Variants in TNR observed in about 807,000 individuals in gnomAD.
The protein encoded by TNR is tenascin R, also known as tenascin-R.
Under a neutral mutation model 150.4 loss-of-function variants are expected in TNR, and 45 were observed. The observed-to-expected ratio is 0.30, with a 90% CI of 0.24 to 0.38. The LOEUF (loss-of-function observed/expected upper bound fraction) is 0.38. TNR is among the 10% of genes least tolerant of loss of function. The pLI is 1.00. For synonymous variants in TNR, 687 were observed against 678.4 expected (o/e 1.01, Z -0.20); for missense variants, 1,544 against 1,759.1 (o/e 0.88, Z 2.19).
intron 1 of TNR, among the ~76,000 whole-genome samples, chr1:175,715,346 C>T (rs1558087806): frequency 6.6e-6 from 1 of 152,176 alleles, no homozygotes; most frequent in Admixed American, 6.5e-5. Context: ...TTATTTTCCA[C>T]TCCATGGCAT....
At chr1:175,397,957 A>G (rs1282699419) in intron 4 of TNR, among the ~76,000 whole-genome samples, 1 of 152,242 alleles carries the variant, frequency 6.6e-6, no homozygotes, top group Non-Finnish European at 1.5e-5. Context: ...CGATATTTAA[A>G]TGGTCATTAT....
At chr1:175,496,380 G>A (rs75497390) in intron 2 of TNR, among the ~76,000 whole-genome samples, 2,442 of 152,214 alleles carry the variant, frequency 0.016, 30 homozygotes, top group Non-Finnish European at 0.026. Flanking sequence ...GGAGCTCAGC[G>A]CACACATGGC....
At chr1:175,725,661 C>T (rs578179264) in intron 1 of TNR, among the ~76,000 whole-genome samples, 27 of 152,238 alleles carry the variant, frequency 1.8e-4, no homozygotes, top group African/African-American at 6.5e-4. Flanking sequence ...AAAATAGGTA[C>T]TTGTTTTAAT....
rs11583397 is a variant in TNR at position 175,363,348 on chromosome 1, G to C, written c.2707+360C>G. On this transcript the variant is annotated intron_variant, in intron 13 of 22. Transcript: ENST00000367674. ...TCCATCTGGCTTTGCTGGGTCTTTAGCCATCCCTCTGGATCCTAGTCTTGA... is the reference window on the plus strand; with the variant it reads ...TCCATCTGGCTTTGCTGGGTCTTTACCCATCCCTCTGGATCCTAGTCTTGA... 1.7e-3 allele frequency among the ~76,000 whole-genome samples: 257 copies of C among 152,328 alleles called. 1 individual carries two copies. The highest frequency in any genetic ancestry group is 2.2e-3 in the Non-Finnish European group (151 of 68,028).
At chr1:175,345,170 A>T (rs1299816502) in intron 18 of TNR, among the ~76,000 whole-genome samples, 1 of 152,164 alleles carries the variant, frequency 6.6e-6, no homozygotes, top group Non-Finnish European at 1.5e-5. Context: ...ACAGCACCAA[A>T]AAAAGAGAGA....
chr1:175,645,485 T>C (rs904125461), intron 1 of TNR, among the ~76,000 whole-genome samples: 1 of 152,232 alleles, frequency 6.6e-6, no homozygotes, highest in Non-Finnish European at 1.5e-5. Context: ...TGATATTAAA[T>C]TCTAAGAGGA....
chr1:175,335,948 A>C, intron 19 of TNR, 141 bp from the exon 20 acceptor site: 2 of 724,800 alleles, frequency 2.8e-6, no homozygotes, highest in Non-Finnish European at 4.5e-6. Context: ...CAAAGAAGGA[A>C]CATTTCAGAG....
intron 1 of TNR, among the ~76,000 whole-genome samples, chr1:175,738,812 C>A (rs545556077): frequency 2.9e-4 from 44 of 152,284 alleles, no homozygotes; most frequent in Non-Finnish European, 5.4e-4. Context: ...AGCTTTTGAA[C>A]AATCCCATTC....
At chr1:175,538,695 T>A (rs1336200060) in intron 1 of TNR, 4 of 152,212 alleles carry the variant, frequency 2.6e-5, no homozygotes, top group Non-Finnish European at 5.9e-5. Context: ...TTGGTATGCC[T>A]TCTGACAGCA....
intron 1 of TNR, among the ~76,000 whole-genome samples, chr1:175,730,288 C>T (rs1667603229): frequency 6.6e-6 from 1 of 152,322 alleles, no homozygotes; most frequent in East Asian, 1.9e-4. Flanking sequence ...CTGCAACCCA[C>T]CTGCCATCTC....
chr1:175,535,834 A>G (rs563013633), intron 1 of TNR, among the ~76,000 whole-genome samples: 76 of 152,272 alleles, frequency 5.0e-4, no homozygotes, highest in South Asian at 1.7e-3. Flanking sequence ...GGGTCCATGA[A>G]CTTATACGGA....
At chr1:175,356,190 T>C (rs1310946508) in intron 16 of TNR, 129 bp downstream of exon 16, 1 of 1,303,666 alleles carries the variant, frequency 7.7e-7, no homozygotes. Context: ...CTGTAGTCAG[T>C]CCAAATAAGA....
chr1:175,348,989 A>C (rs1381703554), intron 18 of TNR, among the ~76,000 whole-genome samples: 1 of 152,212 alleles, frequency 6.6e-6, no homozygotes, highest in Non-Finnish European at 1.5e-5. Flanking sequence ...ATATGAAGAG[A>C]TGTTTAAACT....
intron 2 of TNR, among the ~76,000 whole-genome samples, chr1:175,456,953 T>C (rs1226202198): frequency 6.6e-6 from 1 of 152,160 alleles, no homozygotes; most frequent in Non-Finnish European, 1.5e-5. Flanking sequence ...TTCTCCCAAT[T>C]GCTGTGGGGG....
chr1:175,386,138 G>T lies in TNR; in HGVS notation c.1671C>A (p.Ser557Arg), dbSNP rs764419247. Residue 557 changes from serine (S) to arginine (R), a missense_variant, in exon 8 of 23, where the codon AGC (serine) becomes AGA (arginine). Coordinates refer to ENST00000367674, the MANE Select transcript of TNR (RefSeq NM_003285.3). ...GCCGCAGGGCCTGCACTGAGTATTG[G>T]CTCAGGGGAGGCTGCAGCCGGAAGG... Reference protein sequence around the residue: ...RTTFRLQPPLSQYSVQALRPG... With the variant: ...RTTFRLQPPLRQYSVQALRPG... The T allele has an allele frequency of 6.2e-7, 1 of 1,613,234 alleles. No individual in the cohort carries two copies. The highest frequency in any genetic ancestry group is 1.3e-5 in the African/African-American group (1 of 75,008).
chr1:175,423,549 T>C (rs764509350), intron 2 of TNR, among the ~76,000 whole-genome samples: 22 of 152,192 alleles, frequency 1.4e-4, no homozygotes, highest in Admixed American at 3.3e-4. Context: ...AATCGAGATC[T>C]CAATCCCCTA....
At chr1:175,345,480 T>A (rs912514908) in intron 18 of TNR, among the ~76,000 whole-genome samples, 5 of 152,076 alleles carry the variant, frequency 3.3e-5, no homozygotes, top group Admixed American at 3.3e-4. Context: ...GTAAGTAAAT[T>A]AACAATATAA....
At chr1:175,601,660 T>C (rs367957066) in intron 1 of TNR, among the ~76,000 whole-genome samples, 1 of 152,270 alleles carries the variant, frequency 6.6e-6, no homozygotes, top group East Asian at 1.9e-4. Context: ...CTAAGAGTCA[T>C]TGAGAACCTG....
At chr1:175,710,457 A>G (rs59207781) in intron 1 of TNR, among the ~76,000 whole-genome samples, 26,772 of 152,030 alleles carry the variant, frequency 0.18, 4,085 homozygotes, top group African/African-American at 0.41. Flanking sequence ...AGTGACCTGC[A>G]CTGGAGTGAC....
Sources: gnomAD v4.1 joint callset for allele counts (sites outside exome capture counted in the v4.1 genomes callset) on GRCh38, gnomAD v4.1.1 for gene constraint, MANE v1.5 for transcripts, NCBI Gene and HGNC (gene_info 2026-07-23, HGNC 2026-07-21) for gene names.